The following EIPR1 variants were observed in gnomAD, a reference collection of about 807,000 sequenced individuals.
EIPR1 encodes EARP complex and GARP complex interacting protein 1.
A neutral mutation model predicts 48.1 loss-of-function variants in EIPR1; 25 were observed. The observed-to-expected ratio is 0.52, with a 90% CI of 0.38 to 0.73. The LOEUF (loss-of-function observed/expected upper bound fraction) is 0.73, where lower values mean the gene tolerates loss of function less well. Among genes scored for constraint, EIPR1 ranks in the 30% least tolerant of loss-of-function variants. The pLI is 0.00. For synonymous variants in EIPR1, 204 were observed against 201.9 expected (o/e 1.01, Z -0.09); for missense variants, 415 against 506.2 (o/e 0.82, Z 1.73).
chr2:3,201,391 G>C (rs188740714), intron 5 of EIPR1, among the ~76,000 whole-genome samples: 1 of 152,328 alleles, frequency 6.6e-6, no homozygotes, highest in East Asian at 1.9e-4. Flanking sequence ...TAAAATCAGA[G>C]GCGCCTCCCA....
chr2:3,267,279 ATGCCCCGGGACATTCCCTCACC>A (rs1667519673), intron 3 of EIPR1, among the ~76,000 whole-genome samples: 1 of 152,242 alleles, frequency 6.6e-6, no homozygotes, highest in South Asian at 2.1e-4. Context: ...GACCAGAGGG[ATGCCCCGGGACATTCCCTCACC>A]TGTGAAAATA....
At chr2:3,263,906 G>A (rs1407289223) in intron 3 of EIPR1, among the ~76,000 whole-genome samples, 1 of 152,202 alleles carries the variant, frequency 6.6e-6, no homozygotes, top group Non-Finnish European at 1.5e-5. Flanking sequence ...ATACATTGTG[G>A]AATGGCTAAG....
intron 3 of EIPR1, among the ~76,000 whole-genome samples, chr2:3,316,021 C>G (rs866471501): frequency 4.9e-3 from 5 of 1,026 alleles, no homozygotes; most frequent in Non-Finnish European, 0.018. Context: ...CCCATCCACA[C>G]CCCCTACCAC....
chr2:3,222,682 C>T (rs1293260063), intron 4 of EIPR1, among the ~76,000 whole-genome samples: 1 of 152,202 alleles, frequency 6.6e-6, no homozygotes, highest in African/African-American at 2.4e-5. Flanking sequence ...TCGGTACCAA[C>T]TGAGTCTGTG....
At chr2:3,227,956 A>G (rs1027389453) in intron 4 of EIPR1, among the ~76,000 whole-genome samples, 2 of 152,270 alleles carry the variant, frequency 1.3e-5, no homozygotes, top group African/African-American at 2.4e-5. Context: ...CAATGTCTGG[A>G]TGTCTAGGCA....
chr2:3,211,363 G>A lies in EIPR1; in HGVS notation c.516+2786C>T, dbSNP rs112730781. On this transcript the variant is annotated intron_variant, in intron 5 of 8. Coordinates refer to ENST00000382125, the MANE Select transcript of EIPR1 (RefSeq NM_003310.5). Reference sequence around the variant, plus strand: ...CAGAACAGGCTTTCCAAGGTGCGCCGGCAAGGAGCCATAGAACCCACCGAC... The same window carrying A: ...CAGAACAGGCTTTCCAAGGTGCGCCAGCAAGGAGCCATAGAACCCACCGAC... Among the ~76,000 whole-genome samples, 341 of 152,130 alleles carry A rather than the reference G, an allele frequency of 2.2e-3. 2 individuals carry two copies. The highest frequency in any genetic ancestry group is 7.8e-3 in the African/African-American group (325 of 41,514).
At position 3,192,490 on chromosome 2, in the gene EIPR1, T is replaced by C; in HGVS notation, c.913A>G (p.Ile305Val). The part of the protein sequence containing the change: ...SRVILSNMVS[I>V]SSEPFGHLVD... Reference sequence around the variant, plus strand: ...AAGTGGCCGAAGGGCTCCGACGAGATGGACACCATGTTGGAAAGGATGACT... The same window carrying C: ...AAGTGGCCGAAGGGCTCCGACGAGACGGACACCATGTTGGAAAGGATGACT... Residue 305 changes from isoleucine to valine, a missense_variant, in exon 8 of 9, where the codon ATC (isoleucine) becomes GTC (valine). Transcript: ENST00000382125. 1.2e-6 allele frequency: 2 copies of C among 1,613,102 alleles called. No individual in the cohort carries two copies. Among genetic ancestry groups the C allele is most frequent in the South Asian group, 1.1e-5 (1 of 90,978 alleles).
chr2:3,267,974 T>C (rs1185058093), intron 3 of EIPR1, among the ~76,000 whole-genome samples: 1 of 152,232 alleles, frequency 6.6e-6, no homozygotes, highest in Non-Finnish European at 1.5e-5. Flanking sequence ...GTTTGGCTGC[T>C]GTCCTTGGAG....
At chr2:3,269,876 T>C (rs374608772) in intron 3 of EIPR1, among the ~76,000 whole-genome samples, 2 of 152,356 alleles carry the variant, frequency 1.3e-5, no homozygotes, top group East Asian at 1.9e-4. Flanking sequence ...TCTGTTCTCC[T>C]GGGAAGCTCC....
At chr2:3,354,370 C>T (rs528296834) in intron 2 of EIPR1, among the ~76,000 whole-genome samples, 180 bp downstream of exon 2, 27 of 152,258 alleles carry the variant, frequency 1.8e-4, no homozygotes, top group African/African-American at 5.5e-4. Context: ...TGAACACAGT[C>T]GATACATATA....
Position 3,267,280 on chromosome 2 carries a change from T to C in EIPR1, c.260-9825A>G, listed in dbSNP as rs539982379. Among the ~76,000 whole-genome samples the C allele has an allele frequency of 9.8e-5, 15 of 152,344 alleles. No homozygotes were observed. The East Asian group carries it at 2.7e-3, about 27-fold the overall frequency. On this transcript the variant is annotated intron_variant, in intron 3 of 8. Coordinates refer to ENST00000382125, the MANE Select transcript of EIPR1 (RefSeq NM_003310.5). The stretch of plus-strand genomic sequence containing the variant: ...ATGATGACAGGAAGGACCAGAGGGA[T>C]GCCCCGGGACATTCCCTCACCTGTG...
At chr2:3,262,205 C>G (rs535919064) in intron 3 of EIPR1, 1 of 152,464 alleles carries the variant, frequency 6.6e-6, no homozygotes, top group Admixed American at 6.5e-5. Context: ...AGTATACACT[C>G]TTGCCACAGA....
intron 3 of EIPR1, among the ~76,000 whole-genome samples, chr2:3,265,372 C>A (rs1332902695): frequency 6.6e-6 from 1 of 152,188 alleles, no homozygotes; most frequent in Non-Finnish European, 1.5e-5. Flanking sequence ...AAGGAAGAAG[C>A]ACCCATGGGG....
intron 3 of EIPR1, chr2:3,274,227 T>C: frequency 4.7e-6 from 7 of 1,475,322 alleles, no homozygotes; most frequent in Non-Finnish European, 6.3e-6. Flanking sequence ...AATAAACAAA[T>C]TATCAGACTC....
chr2:3,363,110 T>C (rs752328883), intron 1 of EIPR1, among the ~76,000 whole-genome samples: 1 of 152,074 alleles, frequency 6.6e-6, no homozygotes, highest in South Asian at 2.1e-4. Flanking sequence ...CACTATGTCG[T>C]CAGCATTCCT....
intron 4 of EIPR1, among the ~76,000 whole-genome samples, chr2:3,229,621 C>T (rs572518429): frequency 1.3e-5 from 2 of 152,324 alleles, no homozygotes; most frequent in South Asian, 2.1e-4. Context: ...TTCAGTTCAA[C>T]GTGATAGATC....
At chr2:3,295,796 C>A (rs1668556365) in intron 3 of EIPR1, among the ~76,000 whole-genome samples, 1 of 141,398 alleles carries the variant, frequency 7.1e-6, no homozygotes, top group African/African-American at 2.7e-5. Context: ...AGCCCATCCT[C>A]TCTACAAACA....
chr2:3,302,658 T>C (rs187006260), intron 3 of EIPR1, among the ~76,000 whole-genome samples: 108 of 152,370 alleles, frequency 7.1e-4, no homozygotes, highest in Admixed American at 6.6e-3. Flanking sequence ...CAGTGGCCAT[T>C]GCCAGAAGCC....
intron 3 of EIPR1, among the ~76,000 whole-genome samples, chr2:3,287,139 C>T (rs1253494530): frequency 1.3e-5 from 2 of 152,230 alleles, no homozygotes; most frequent in Non-Finnish European, 2.9e-5. Context: ...TCGTTCACCA[C>T]GCTCTAGAAA....
Sources: gnomAD v4.1 joint callset for allele counts (sites outside exome capture counted in the v4.1 genomes callset) on GRCh38, gnomAD v4.1.1 for gene constraint, MANE v1.5 for transcripts, NCBI Gene and HGNC (gene_info 2026-07-23, HGNC 2026-07-21) for gene names.